PRSS23: variants seen among roughly 807,000 people sequenced by gnomAD.
The protein encoded by PRSS23 is protease, serine 23.
A neutral mutation model predicts 34.7 loss-of-function variants in PRSS23; 25 were observed. The ratio of observed to expected loss-of-function variants is 0.72; its 90% CI spans 0.53 to 1.01. The LOEUF is 1.01. Among genes scored for constraint, PRSS23 ranks in the 50% least tolerant of loss-of-function variants. PRSS23 has a pLI of 0.00. For synonymous variants in PRSS23, 176 were observed against 186.6 expected (o/e 0.94, Z 0.46); for missense variants, 445 against 475.6 (o/e 0.94, Z 0.60).
At chr11:86,876,342 A>G (rs912385461) in intron 2 of PRSS23, among the ~76,000 whole-genome samples, 1 of 152,218 alleles carries the variant, frequency 6.6e-6, no homozygotes, top group Admixed American at 6.5e-5. Context: ...CTATGAAGGA[A>G]TCAGCGAGTA....
chr11:86,899,180 C>A (rs1047161234), intron 2 of PRSS23, among the ~76,000 whole-genome samples: 1 of 152,054 alleles, frequency 6.6e-6, no homozygotes, highest in Non-Finnish European at 1.5e-5. Flanking sequence ...ACTCATGGTG[C>A]ACTGCTAGGG....
At chr11:86,912,408 G>GAA (rs201309055) in intron 2 of PRSS23, among the ~76,000 whole-genome samples, 1 of 34,596 alleles carries the variant, frequency 2.9e-5, no homozygotes, top group African/African-American at 8.9e-5. Flanking sequence ...GACTCCAATT[G>GAA]CACACGTTAG....
At chr11:86,898,586 A>G (rs1234545830) in intron 2 of PRSS23, among the ~76,000 whole-genome samples, 1 of 152,210 alleles carries the variant, frequency 6.6e-6, no homozygotes, top group Non-Finnish European at 1.5e-5. Flanking sequence ...TTTCAGAGCT[A>G]CAGTTCTCTG....
chr11:86,808,621 G>T lies in PRSS23; in HGVS notation c.978G>T (p.Lys326Asn). 6.2e-7 allele frequency: 1 copy of T among 1,614,208 alleles called. No homozygotes were observed. Residue 326 changes from lysine (K) to asparagine (N), a missense_variant, in exon 2 of 2, where the codon AAG (lysine) becomes AAT (asparagine). Lys to Asn is a moderately conservative substitution (Grantham distance 94, BLOSUM62 0). Coordinates refer to ENST00000280258, the MANE Select transcript of PRSS23 (RefSeq NM_007173.6). ...CTGGGGTCTATGTGAGGATGTGGAA[G>T]AGACAGCAGCAGAAGTGGGAGCGAA... ...SGSGVYVRMW[K>N]RQQQKWERKI...
chr11:86,868,393 G>A (rs913083469), intron 2 of PRSS23, among the ~76,000 whole-genome samples: 1 of 152,166 alleles, frequency 6.6e-6, no homozygotes, highest in South Asian at 2.1e-4. Context: ...CACACTCAGT[G>A]GTTAAGAGCA....
chr11:86,875,747 G>C (rs1419827987), intron 2 of PRSS23, among the ~76,000 whole-genome samples: 1 of 152,196 alleles, frequency 6.6e-6, no homozygotes, highest in Non-Finnish European at 1.5e-5. Flanking sequence ...CTGTCATTTG[G>C]TGTAAAGCTG....
chr11:86,831,882 C>T (rs60141566), intron 2 of PRSS23, among the ~76,000 whole-genome samples: 2,576 of 152,022 alleles, frequency 0.017, 73 homozygotes, highest in African/African-American at 0.059. Context: ...AGGTGATGTG[C>T]ACCTTGTGAT....
chr11:86,800,327 GC>G, upstream of PRSS23: 3 of 486,402 alleles, frequency 6.2e-6, no homozygotes, highest in Non-Finnish European at 8.0e-6. Flanking sequence ...CGCCACCGGG[GC>G]CCACCTGCGC....
In PRSS23 at chr11:86,808,189, C is replaced by T; in HGVS notation, c.546C>T (p.Thr182=). The T allele has an allele frequency of 6.2e-7, 1 of 1,614,154 alleles. No homozygotes were observed. Among genetic ancestry groups the T allele is most frequent in the South Asian group, 1.1e-5 (1 of 91,088 alleles). Residue 182 remains threonine (T), a synonymous_variant, in exon 2 of 2, where the codon ACC becomes ACT. Coordinates refer to ENST00000280258, the MANE Select transcript of PRSS23 (RefSeq NM_007173.6). The stretch of plus-strand genomic sequence containing the variant: ...CCCACTGCATACACGATGGAAAAAC[C>T]TATGTGAAAGGAACCCAGAAGCTTC... ...TAAHCIHDGK[T]YVKGTQKLRV...
At chr11:86,892,391 G>A (rs1195729589) in intron 2 of PRSS23, 1 of 152,232 alleles carries the variant, frequency 6.6e-6, no homozygotes, top group Non-Finnish European at 1.5e-5. Flanking sequence ...AGAAAGTGAA[G>A]AATTGAATGA....
intron 2 of PRSS23, chr11:86,823,666 C>G (rs143680901): frequency 1.6e-5 from 11 of 690,502 alleles, no homozygotes; most frequent in African/African-American, 1.4e-4. Flanking sequence ...TCCACATTTT[C>G]TAATGCATTT....
chr11:86,881,308 CTTT>C (rs1343670998), intron 2 of PRSS23, among the ~76,000 whole-genome samples: 2 of 143,178 alleles, frequency 1.4e-5, no homozygotes, highest in Non-Finnish European at 3.1e-5. Flanking sequence ...AAATGTTTGG[CTTT>C]TTTTTGTTGG....
intron 2 of PRSS23, chr11:86,949,951 G>A (rs1416046971): frequency 6.6e-6 from 1 of 152,444 alleles, no homozygotes; most frequent in African/African-American, 2.4e-5. Context: ...AGTCTCCATT[G>A]TCCTAAGTAG....
Position 86,821,774 on chromosome 11 carries a change from A to AG in PRSS23, c.-11-1602dup, listed in dbSNP as rs1462509073. 7.0e-6 allele frequency: 8 copies of AG among 1,138,558 alleles called. No individual in the cohort carries two copies. The African/African-American group carries it at 1.1e-4, about 15-fold the overall frequency. The allele number at this position is 1,138,558 out of a possible 1,614,324, so 70.5% of individuals were successfully genotyped here. ...GGCCAATTATAAAAATCCTGTGCCC[A>AG]GCCCGTTCCGCCTCAGCACGCTGCC... On this transcript the variant is annotated intron_variant, in intron 1 of 2. Coordinates refer to the PRSS23 transcript ENST00000533902.
At chr11:86,896,172 A>G (rs146697631) in intron 2 of PRSS23, among the ~76,000 whole-genome samples, 2,346 of 152,300 alleles carry the variant, frequency 0.015, 18 homozygotes, top group Middle Eastern at 0.024. Flanking sequence ...TTCCAAATGT[A>G]ATTACAGGGC....
intron 2 of PRSS23, among the ~76,000 whole-genome samples, chr11:86,834,184 G>A (rs1028507803): frequency 2.0e-5 from 3 of 152,228 alleles, no homozygotes; most frequent in Non-Finnish European, 4.4e-5. Flanking sequence ...TAGTTTTGAA[G>A]AGGCCTGGTC....
At chr11:86,860,666 G>A (rs1441483005) in intron 2 of PRSS23, among the ~76,000 whole-genome samples, 4 of 150,658 alleles carry the variant, frequency 2.7e-5, no homozygotes, top group Admixed American at 6.6e-5. Context: ...GTGGGTGTAC[G>A]TTACCCCTGT....
At chr11:86,890,913 C>G (rs949759334) in intron 2 of PRSS23, among the ~76,000 whole-genome samples, 1 of 152,172 alleles carries the variant, frequency 6.6e-6, no homozygotes, top group African/African-American at 2.4e-5. Flanking sequence ...GAACCTGGTG[C>G]TCTCCCTATT....
chr11:86,871,368 T>A (rs1405795329), intron 2 of PRSS23, among the ~76,000 whole-genome samples: 1 of 152,208 alleles, frequency 6.6e-6, no homozygotes, highest in Non-Finnish European at 1.5e-5. Context: ...ATTGTTCAGT[T>A]CTCAGCTCAC....
Sources: gnomAD v4.1 joint callset for allele counts (sites outside exome capture counted in the v4.1 genomes callset) on GRCh38, gnomAD v4.1.1 for gene constraint, MANE v1.5 for transcripts, NCBI Gene and HGNC (gene_info 2026-07-23, HGNC 2026-07-21) for gene names.